The following ZC3H3 variants were observed in gnomAD, a reference collection of about 807,000 sequenced individuals.
ZC3H3 encodes zinc finger CCCH domain-containing protein 3.
ZC3H3 carries 36 observed loss-of-function variants against 77.3 expected under a neutral mutation model. The observed-to-expected ratio is 0.47, with a 90% CI of 0.36 to 0.61. The LOEUF is 0.61. ZC3H3 is among the 20% of genes least tolerant of loss of function. The pLI is 0.00. For synonymous variants in ZC3H3, 626 were observed against 555.2 expected, an observed-to-expected ratio of 1.13 and a Z score of -1.79; for missense variants, 1,331 against 1,312.2, an observed-to-expected ratio of 1.01 and a Z score of -0.22.
rs1431923913 is a variant in ZC3H3 at position 143,460,464 on chromosome 8, G to A, written c.2307+5253C>T. ...AAACGGGAACCCGTGCGCCGTTGCT[G>A]GGAACGTAAAGTGGTTCAGCCACAA... On this transcript the variant is annotated intron_variant, in intron 9 of 11. Coordinates refer to ENST00000262577, the MANE Select transcript of ZC3H3 (RefSeq NM_015117.3). The surrounding 1 kb of genome is among the most constrained non-coding windows in gnomAD (Gnocchi z 4.0). Among the ~76,000 whole-genome samples the A allele has an allele frequency of 1.3e-5, 2 of 152,088 alleles. No homozygotes were observed. The highest frequency in any genetic ancestry group is 4.8e-5 in the African/African-American group (2 of 41,402).
rs780144237 is a variant in ZC3H3, at chr8:143,475,450, G to A, written c.1851C>T (p.Ser617=). ...CATCACTGGGCTGGCCGGAGGTCTTGGAGAGCTTGTTGGCAGATACTTTGT... is the reference window on the plus strand; with the variant it reads ...CATCACTGGGCTGGCCGGAGGTCTTAGAGAGCTTGTTGGCAGATACTTTGT... ...VLYKVSANKL[S]KTSGQPSDAG... The change falls in exon 5 of 12, where the codon TCC becomes TCT. Residue 617 remains serine (S), a synonymous_variant. Transcript: ENST00000262577. 1.2e-6 allele frequency: 2 copies of A among 1,613,218 alleles called. No homozygotes were observed. The highest frequency in any genetic ancestry group is 2.2e-5 in the South Asian group (2 of 91,078).
intron 3 of ZC3H3, among the ~76,000 whole-genome samples, chr8:143,514,442 A>G (rs1821968361): frequency 6.6e-6 from 1 of 152,182 alleles, no homozygotes; most frequent in Non-Finnish European, 1.5e-5. Context: ...ACTCGGTGTT[A>G]CCACACAGCA....
chr8:143,450,131 T>C (rs1319847299), intron 9 of ZC3H3, among the ~76,000 whole-genome samples: 1 of 152,208 alleles, frequency 6.6e-6, no homozygotes, highest in Non-Finnish European at 1.5e-5. Flanking sequence ...CAGTACCAAT[T>C]TTCTATATTA....
chr8:143,471,484 C>T (rs1013394552), intron 5 of ZC3H3, among the ~76,000 whole-genome samples: 4 of 152,242 alleles, frequency 2.6e-5, no homozygotes, highest in African/African-American at 9.6e-5. Context: ...TTTGGGGACA[C>T]AGAACAAGCC....
chr8:143,532,668 A>G (rs1822654983), intron 3 of ZC3H3, among the ~76,000 whole-genome samples: 1 of 152,232 alleles, frequency 6.6e-6, no homozygotes, highest in Non-Finnish European at 1.5e-5. Context: ...CGTTCAACGA[A>G]ACAAAGCTGG....
At chr8:143,452,792 G>A (rs1410903641) in intron 9 of ZC3H3, among the ~76,000 whole-genome samples, 1 of 152,124 alleles carries the variant, frequency 6.6e-6, no homozygotes, top group Non-Finnish European at 1.5e-5. Flanking sequence ...AGAAAATAAG[G>A]TTTAAAAAAT....
At chr8:143,495,633 G>C (rs1821325322) in intron 4 of ZC3H3, among the ~76,000 whole-genome samples, 3 of 152,182 alleles carry the variant, frequency 2.0e-5, no homozygotes. Context: ...ACCCAGGCTG[G>C]AGTGCAGTGT....
chr8:143,516,807 G>A (rs765156149), intron 3 of ZC3H3, among the ~76,000 whole-genome samples: 1 of 152,194 alleles, frequency 6.6e-6, no homozygotes. Context: ...CAGCCCCGTG[G>A]GATCCGGGGA....
intron 3 of ZC3H3, among the ~76,000 whole-genome samples, chr8:143,521,091 C>T (rs1480021181): frequency 6.6e-6 from 1 of 152,126 alleles, no homozygotes; most frequent in Non-Finnish European, 1.5e-5. Flanking sequence ...GGGGCAGGCC[C>T]GGCCCCGCCA....
intron 2 of ZC3H3, among the ~76,000 whole-genome samples, chr8:143,536,758 C>A (rs374315080): frequency 1.3e-5 from 2 of 152,182 alleles, no homozygotes; most frequent in Non-Finnish European, 2.9e-5. Flanking sequence ...CCACCCCCTC[C>A]CCATCTGCCC....
chr8:143,484,378 G>A (rs1820992823), intron 4 of ZC3H3: 1 of 152,382 alleles, frequency 6.6e-6, no homozygotes, highest in Admixed American at 6.5e-5. Context: ...CATTATGAGG[G>A]GCTGGGACTA....
intron 3 of ZC3H3, among the ~76,000 whole-genome samples, chr8:143,515,334 C>T (rs978838287): frequency 6.6e-6 from 1 of 152,154 alleles, no homozygotes; most frequent in Non-Finnish European, 1.5e-5. Context: ...GGCAGGTCAT[C>T]GGCAGGGCCC....
chr8:143,480,303 C>T (rs967312836), intron 4 of ZC3H3, among the ~76,000 whole-genome samples: 2 of 152,224 alleles, frequency 1.3e-5, no homozygotes, highest in Non-Finnish European at 1.5e-5. Flanking sequence ...CTGCCAGGCT[C>T]CCGGGCCTGC....
intron 3 of ZC3H3, among the ~76,000 whole-genome samples, chr8:143,515,283 T>TC (rs1822000229): frequency 6.6e-6 from 1 of 151,958 alleles, no homozygotes; most frequent in Admixed American, 6.5e-5. Context: ...GCATACGCAC[T>TC]CCCCCCGCTG....
intron 5 of ZC3H3, among the ~76,000 whole-genome samples, chr8:143,471,735 G>T (rs1349581669): frequency 6.6e-6 from 1 of 152,160 alleles, no homozygotes; most frequent in Non-Finnish European, 1.5e-5. Flanking sequence ...CAGAGCCCAG[G>T]GGGTCAGCCA....
intron 4 of ZC3H3, among the ~76,000 whole-genome samples, chr8:143,488,808 G>C (rs1261843078): frequency 1.3e-5 from 2 of 152,212 alleles, no homozygotes; most frequent in African/African-American, 4.8e-5. Flanking sequence ...ATGACAAAAA[G>C]GCGACTCCCC....
rs115476015 is a variant in ZC3H3 at position 143,495,952 on chromosome 8, G to A, written c.1715+11794C>T. ...GTTAGATTTATGCCTCCCACTATAC[G>A]TAAATTCTACCTAGAAAAGAACTAT... On this transcript the variant is annotated intron_variant, in intron 4 of 11. Transcript: ENST00000262577. Among the ~76,000 whole-genome samples the A allele has an allele frequency of 8.7e-3, 1,323 of 152,086 alleles. 20 individuals are homozygous for A. Among genetic ancestry groups the A allele is most frequent in the African/African-American group, 0.03 (1,246 of 41,474 alleles).
chr8:143,516,564 C>CACAT (rs1489972456), intron 3 of ZC3H3, among the ~76,000 whole-genome samples: 1 of 96,082 alleles, frequency 1.0e-5, no homozygotes, highest in East Asian at 2.5e-4. Context: ...CACACACACA[C>CACAT]ACATACACAC....
At chr8:143,512,265 C>T (rs1167265280) in intron 3 of ZC3H3, among the ~76,000 whole-genome samples, 2 of 152,268 alleles carry the variant, frequency 1.3e-5, no homozygotes, top group African/African-American at 4.8e-5. Flanking sequence ...CCCCCCATCC[C>T]TAATTCCTGA....
Sources: allele counts gnomAD v4.1 joint callset (sites outside exome capture counted in the v4.1 genomes callset), GRCh38; gene constraint gnomAD v4.1.1; non-coding constraint Gnocchi (gnomAD v3.1); transcripts MANE v1.5; gene names NCBI Gene and HGNC (gene_info 2026-07-23, HGNC 2026-07-21).